The following PRKAG2 variants were observed in gnomAD, a reference collection of about 807,000 sequenced individuals.
PRKAG2 encodes the protein 5'-AMP-activated protein kinase subunit gamma-2.
A neutral mutation model predicts 69.6 loss-of-function variants in PRKAG2; 26 were observed. The ratio of observed to expected loss-of-function variants is 0.37; its 90% confidence interval spans 0.27 to 0.52. The LOEUF (loss-of-function observed/expected upper bound fraction) is 0.52. PRKAG2 is among the 20% of genes least tolerant of loss of function. PRKAG2 has a pLI of 0.90. For synonymous variants in PRKAG2, 293 were observed against 285.0 expected, an observed-to-expected ratio of 1.03 and a Z score of -0.28; for missense variants, 557 against 740.0, an observed-to-expected ratio of 0.75 and a Z score of 2.87.
Position 151,588,400 on chromosome 7 carries a change from C to T in PRKAG2, c.864+6945G>A, listed in dbSNP as rs1399484436. Among the ~76,000 whole-genome samples the T allele has an allele frequency of 3.3e-5, 5 of 151,214 alleles. No individual in the cohort carries two copies. The East Asian group carries it at 9.7e-4, about 29-fold the overall frequency. Reference sequence around the variant, plus strand: ...TTTTTAAGACAGATTCTTGCTCTGTCGCCCAGGCTGGTGTGCAAGTGGTGC... The same window carrying T: ...TTTTTAAGACAGATTCTTGCTCTGTTGCCCAGGCTGGTGTGCAAGTGGTGC... On this transcript the variant is annotated intron_variant, in intron 6 of 15. Coordinates refer to ENST00000287878, the MANE Select transcript of PRKAG2 (RefSeq NM_016203.4).
intron 3 of PRKAG2, among the ~76,000 whole-genome samples, chr7:151,740,939 C>T (rs750039978): frequency 6.6e-6 from 1 of 152,202 alleles, no homozygotes; most frequent in Non-Finnish European, 1.5e-5. Flanking sequence ...AATATGGTAG[C>T]CCAAACTTAA....
intron 3 of PRKAG2, among the ~76,000 whole-genome samples, chr7:151,687,425 A>G (rs535288418): frequency 2.6e-5 from 4 of 152,226 alleles, no homozygotes; most frequent in Non-Finnish European, 5.9e-5. Flanking sequence ...TCGGAAAAAC[A>G]ATTTGCTAAT....
At position 151,756,237 on chromosome 7, in the gene PRKAG2, A is replaced by G. The variant is rs2075075516; in HGVS notation, c.466+24915T>C. On this transcript the variant is annotated intron_variant, in intron 3 of 15. Transcript: ENST00000287878. The surrounding 1 kb of genome is among the most constrained non-coding windows in gnomAD (Gnocchi z 4.9). ...GACTCACGTACAGGTCATGTGAGCA[A>G]TGCCCCAGGAACACACACCACACAC... Among the ~76,000 whole-genome samples, 1 of 152,138 alleles carries G rather than the reference A, an allele frequency of 6.6e-6. No homozygotes were observed. The highest frequency in any genetic ancestry group is 1.5e-5 in the Non-Finnish European group (1 of 68,014).
chr7:151,587,434 C>A (rs556948160), intron 6 of PRKAG2, among the ~76,000 whole-genome samples: 1 of 152,194 alleles, frequency 6.6e-6, no homozygotes, highest in East Asian at 1.9e-4. Flanking sequence ...GTGGGCTGTA[C>A]GTGGTGACTT....
At chr7:151,861,849 C>G (rs1043460879) in intron 1 of PRKAG2, among the ~76,000 whole-genome samples, 1 of 151,914 alleles carries the variant, frequency 6.6e-6, no homozygotes, top group African/African-American at 2.4e-5. Flanking sequence ...TCATTGACAC[C>G]GGGGTTGCGA....
chr7:151,816,767 G>A lies in PRKAG2; in HGVS notation c.115-30226C>T, dbSNP rs566532865. 7.9e-5 allele frequency among the ~76,000 whole-genome samples: 12 copies of A among 152,330 alleles called. No homozygotes were observed. In the South Asian group the frequency reaches 1.0e-3, roughly 13 times the overall value. On this transcript the variant is annotated intron_variant, in intron 1 of 15. Coordinates refer to ENST00000287878, the MANE Select transcript of PRKAG2 (RefSeq NM_016203.4). Reference sequence around the variant, plus strand: ...CTCAATATTTTCTCCTGCTGGTTCTGGAACTAGCCTTGCTGGGTGAGCTGG... The same window carrying A: ...CTCAATATTTTCTCCTGCTGGTTCTAGAACTAGCCTTGCTGGGTGAGCTGG...
chr7:151,781,201 G>C lies in PRKAG2; in HGVS notation c.417C>G (p.Asn139Lys). ...SSSKESSPNS[N>K]PATSPGGIRF... Reference sequence around the variant, plus strand: ...TGATGCCCCCGGGCGAGGTAGCAGGGTTGGAGTTGGGGGAAGACTCTTTGG... The same window carrying C: ...TGATGCCCCCGGGCGAGGTAGCAGGCTTGGAGTTGGGGGAAGACTCTTTGG... Residue 139 changes from asparagine (N) to lysine (K), a missense_variant, in exon 3 of 16, where the codon AAC becomes AAG. Asn to Lys is a moderately conservative substitution (Grantham distance 94). Coordinates refer to ENST00000287878, the MANE Select transcript of PRKAG2 (RefSeq NM_016203.4). This position sits in a 1 kb window ranked among gnomAD's most constrained non-coding sequence, Gnocchi z 6.1. 6.2e-7 allele frequency: 1 copy of C among 1,614,126 alleles called. No homozygotes were observed. The highest frequency in any genetic ancestry group is 2.2e-5 in the East Asian group (1 of 44,876).
At chr7:151,623,936 C>G (rs1822175061) in intron 5 of PRKAG2, among the ~76,000 whole-genome samples, 1 of 152,014 alleles carries the variant, frequency 6.6e-6, no homozygotes, top group African/African-American at 2.4e-5. Flanking sequence ...CTTGACGGAA[C>G]AATGAAACAT....
chr7:151,745,987 C>T (rs1356155497), intron 3 of PRKAG2, among the ~76,000 whole-genome samples: 1 of 152,214 alleles, frequency 6.6e-6, no homozygotes, highest in African/African-American at 2.4e-5. Context: ...GCGCTGGGCT[C>T]AACGGGGGCC....
chr7:151,716,915 T>C lies in PRKAG2; in HGVS notation c.467-41278A>G, dbSNP rs575270997. On this transcript the variant is annotated intron_variant, in intron 3 of 15. Transcript: ENST00000287878. ...TGAGTGTTGGCAGGAAGGGGAGCAG[T>C]GGCGACTTGCCCCACAAAAATTCGA... 7.2e-5 allele frequency among the ~76,000 whole-genome samples: 11 copies of C among 152,236 alleles called. No individual in the cohort carries two copies. The South Asian group carries it at 2.1e-3, about 29-fold the overall frequency.
intron 1 of PRKAG2, chr7:151,809,222 A>C: frequency 2.2e-6 from 1 of 456,674 alleles, no homozygotes; most frequent in South Asian, 1.5e-5. Flanking sequence ...GGCTTCTGGA[A>C]TCTGAGCAAT....
chr7:151,700,949 T>C (rs1417163330), intron 3 of PRKAG2, among the ~76,000 whole-genome samples: 1 of 152,120 alleles, frequency 6.6e-6, no homozygotes, highest in Non-Finnish European at 1.5e-5. Context: ...GTCCCAGGCA[T>C]TTCCACACAG....
chr7:151,848,564 G>C (rs1422069979), intron 1 of PRKAG2, among the ~76,000 whole-genome samples: 5 of 102,440 alleles, frequency 4.9e-5, no homozygotes, highest in Non-Finnish European at 8.7e-5. Context: ...CGCTCTTGTT[G>C]CCCAGGCTGG....
In PRKAG2 at chr7:151,565,846, G is replaced by C; in HGVS notation, c.1273C>G (p.Leu425Val). Residue 425 changes from leucine to valine, a missense_variant, in exon 12 of 16, where the codon CTG becomes GTG. Leu to Val is a conservative substitution (Grantham distance 32). Around this residue, in one of 2 missense-constraint regions of PRKAG2, gnomAD observed 205 missense variants for 383.4 expected, o/e 0.53. Transcript: ENST00000287878. ...TACGTTCCTATTCCAAGCTCATCCAGGTTCTGCTTCATGAAGGCAGGCTTT... is the reference window on the plus strand; with the variant it reads ...TACGTTCCTATTCCAAGCTCATCCACGTTCTGCTTCATGAAGGCAGGCTTT... ...MPKPAFMKQNLDELGIGTYHN... is the reference protein window; with the variant it reads ...MPKPAFMKQNVDELGIGTYHN... The C allele has an allele frequency of 6.2e-7, 1 of 1,613,616 alleles. No individual in the cohort carries two copies. The highest frequency in any genetic ancestry group is 8.5e-7 in the Non-Finnish European group (1 of 1,179,544).
intron 1 of PRKAG2, among the ~76,000 whole-genome samples, chr7:151,818,696 A>G (rs2151861806): frequency 6.6e-6 from 1 of 152,366 alleles, no homozygotes; most frequent in African/African-American, 2.4e-5. Context: ...GGCAGCTGAA[A>G]GAAGAGGGAA....
chr7:151,680,789 G>GAGGACC (rs1256388306), intron 3 of PRKAG2, among the ~76,000 whole-genome samples: 3 of 152,164 alleles, frequency 2.0e-5, no homozygotes, highest in African/African-American at 7.2e-5. Context: ...TGTCTCCCAC[G>GAGGACC]AGGACCAGGA....
rs1004093900 is a variant in PRKAG2, at chr7:151,719,595, G to A, written c.467-43958C>T. Among the ~76,000 whole-genome samples the A allele has an allele frequency of 1.3e-5, 2 of 151,978 alleles. No individual in the cohort carries two copies. The highest frequency in any genetic ancestry group is 2.4e-5 in the African/African-American group (1 of 41,386). On this transcript the variant is annotated intron_variant, in intron 3 of 15. Transcript: ENST00000287878. This position sits in a 1 kb window ranked among gnomAD's most constrained non-coding sequence, Gnocchi z 5.2. ...TCTGCCTCCTACCCTCATCCTTCCC[G>A]GGCAGTTCCCCCAGTGAGTCTGGTG...
chr7:151,743,475 C>T (rs906325876), intron 3 of PRKAG2, among the ~76,000 whole-genome samples: 1 of 152,194 alleles, frequency 6.6e-6, no homozygotes, highest in African/African-American at 2.4e-5. Context: ...CTTCTGGTGG[C>T]TGTTCTTTTA....
chr7:151,793,020 T>C (rs377541159), intron 1 of PRKAG2, among the ~76,000 whole-genome samples: 71 of 152,294 alleles, frequency 4.7e-4, no homozygotes, highest in Admixed American at 1.3e-3. Flanking sequence ...CAGTTTTTCA[T>C]CTGTCAAATG....
Sources: gnomAD v4.1 joint callset for allele counts (sites outside exome capture counted in the v4.1 genomes callset) on GRCh38, gnomAD v4.1.1 for gene constraint, gnomAD v4.1.1 regional missense constraint, Gnocchi (gnomAD v3.1) non-coding constraint, MANE v1.5 for transcripts, NCBI Gene and HGNC (gene_info 2026-07-23, HGNC 2026-07-21) for gene names.